The following YEATS2 variants were observed in gnomAD, a reference collection of about 807,000 sequenced individuals.
YEATS2 encodes YEATS domain-containing protein 2.
Under a neutral mutation model 163.2 loss-of-function variants are expected in YEATS2, and 77 were observed. The ratio of observed to expected loss-of-function variants is 0.47; its 90% confidence interval spans 0.39 to 0.57. The LOEUF is 0.57. Ranked by LOEUF, YEATS2 falls within the 20% of genes least tolerant of loss-of-function variation. The pLI, the probability that YEATS2 is intolerant of heterozygous loss-of-function variation, is 0.00. For synonymous variants in YEATS2, 631 were observed against 645.1 expected (o/e 0.98, Z 0.33); for missense variants, 1,549 against 1,729.8 (o/e 0.90, Z 1.85).
intron 9 of YEATS2, among the ~76,000 whole-genome samples, chr3:183,749,590 T>A (rs1719943155): frequency 6.6e-6 from 1 of 152,206 alleles, no homozygotes; most frequent in African/African-American, 2.4e-5. Context: ...TCAGATTTCA[T>A]CCATGTTGTA....
chr3:183,806,773 A>C, intron 27 of YEATS2, 93 bp from the exon 28 acceptor site: 1 of 1,312,576 alleles, frequency 7.6e-7, no homozygotes, highest in Admixed American at 2.1e-5. Flanking sequence ...CCTGATGCTT[A>C]TCCCCCTTCC....
At chr3:183,719,893 C>T (rs897103390) in intron 4 of YEATS2, among the ~76,000 whole-genome samples, 9 of 152,084 alleles carry the variant, frequency 5.9e-5, no homozygotes, top group Admixed American at 5.9e-4. Flanking sequence ...AAATGGTCCT[C>T]CTACCTTTTT....
At chr3:183,805,055 G>A (rs531098771) in intron 27 of YEATS2, among the ~76,000 whole-genome samples, 1 of 151,214 alleles carries the variant, frequency 6.6e-6, no homozygotes, top group African/African-American at 2.4e-5. Flanking sequence ...TAGGAGCAAG[G>A]GATTAAAGGT....
At chr3:183,725,946 C>G (rs957841191) in intron 6 of YEATS2, among the ~76,000 whole-genome samples, 2 of 152,120 alleles carry the variant, frequency 1.3e-5, no homozygotes, top group Non-Finnish European at 2.9e-5. Flanking sequence ...CTAAGGCAAA[C>G]CAGAGAGGTT....
intron 11 of YEATS2, among the ~76,000 whole-genome samples, chr3:183,756,208 T>C (rs900114653): frequency 1.3e-5 from 2 of 152,222 alleles, no homozygotes; most frequent in African/African-American, 4.8e-5. Context: ...AACTATAAGG[T>C]GCATACCAGG....
At position 183,773,706 on chromosome 3, in the gene YEATS2, C is replaced by T. The variant is rs757674212; in HGVS notation, c.2280C>T (p.Tyr760=). The T allele has an allele frequency of 6.8e-6, 11 of 1,613,714 alleles. No individual in the cohort carries two copies. The Admixed American group carries it at 1.5e-4, about 22-fold the overall frequency. ...LANLPPGTKL[Y]LTTNSKNPSG... is the part of the protein sequence containing the mutation. ...ATTTGCCTCCTGGCACTAAACTCTA[C>T]CTAACTACAAACAGCAAGAACCCTT... The change falls in exon 17 of 31, where the codon TAC becomes TAT. Residue 760 remains tyrosine (Y), a synonymous_variant. Coordinates refer to ENST00000305135, the MANE Select transcript of YEATS2 (RefSeq NM_018023.5).
intron 1 of YEATS2, among the ~76,000 whole-genome samples, chr3:183,712,229 G>GTTATGTTATGTTATGTTATGTTATGTT (rs1715347256): frequency 3.1e-5 from 2 of 63,846 alleles, no homozygotes; most frequent in African/African-American, 1.4e-4. Flanking sequence ...TTTATTTTTT[G>GTTATGTTATGTTATGTTATGTTATGTT]AGACAGAGTC....
intron 17 of YEATS2, 69 bp from the exon 18 acceptor site, chr3:183,775,846 A>G: frequency 6.2e-7 from 1 of 1,604,362 alleles, no homozygotes; most frequent in Middle Eastern, 2.3e-4. Context: ...CTCTGGGCTC[A>G]TTTGTTTTTT....
At chr3:183,758,810 A>G in intron 12 of YEATS2, 52 bp from the exon 13 acceptor site, 5 of 1,233,884 alleles carry the variant, frequency 4.1e-6, no homozygotes, top group Non-Finnish European at 5.8e-6. Flanking sequence ...CTTTAAAATT[A>G]CCTTTTGTAA....
At chr3:183,709,839 G>A (rs556980114) in intron 1 of YEATS2, among the ~76,000 whole-genome samples, 3 of 151,838 alleles carry the variant, frequency 2.0e-5, no homozygotes, top group South Asian at 2.1e-4. Context: ...CACCACGCCC[G>A]GCTAATTTTT....
At chr3:183,774,391 C>T (rs1014047682) in intron 17 of YEATS2, among the ~76,000 whole-genome samples, 1 of 152,104 alleles carries the variant, frequency 6.6e-6, no homozygotes, top group African/African-American at 2.4e-5. Flanking sequence ...GCCTGATGAT[C>T]TGAGGTGGAA....
At chr3:183,706,834 G>A (rs1303103610) in intron 1 of YEATS2, among the ~76,000 whole-genome samples, 1 of 152,092 alleles carries the variant, frequency 6.6e-6, no homozygotes, top group African/African-American at 2.4e-5. Context: ...AAAAAGTTAG[G>A]TGGAGCATTG....
At chr3:183,771,237 A>G (rs1240748022) in intron 15 of YEATS2, among the ~76,000 whole-genome samples, 2 of 151,902 alleles carry the variant, frequency 1.3e-5, no homozygotes, top group African/African-American at 2.4e-5. Context: ...AGCACTTCCT[A>G]TTTTGTCTTT....
At chr3:183,728,311 T>C (rs567925393) in intron 6 of YEATS2, among the ~76,000 whole-genome samples, 1 of 152,172 alleles carries the variant, frequency 6.6e-6, no homozygotes, top group Non-Finnish European at 1.5e-5. Flanking sequence ...AGGCATTGTC[T>C]TCTTCTATCC....
At chr3:183,722,199 T>C in intron 5 of YEATS2, 63 bp downstream of exon 5, 3 of 1,543,402 alleles carry the variant, frequency 1.9e-6, no homozygotes, top group South Asian at 2.5e-5. Flanking sequence ...TACTAAAGTA[T>C]GCGCTTGTTA....
At chr3:183,710,094 C>A (rs762615089) in intron 1 of YEATS2, among the ~76,000 whole-genome samples, 4 of 152,202 alleles carry the variant, frequency 2.6e-5, no homozygotes, top group Non-Finnish European at 5.9e-5. Flanking sequence ...AATTCTTTCT[C>A]ACAGTCAAAT....
chr3:183,772,050 A>C (rs1256331881), intron 15 of YEATS2, among the ~76,000 whole-genome samples: 1 of 152,052 alleles, frequency 6.6e-6, no homozygotes, highest in Non-Finnish European at 1.5e-5. Context: ...TATACTTCTG[A>C]ATTTCCCAAA....
In YEATS2 at chr3:183,810,590, T is replaced by G. The variant is rs1201760091; in HGVS notation, c.*7T>G. On this transcript the variant is annotated 3_prime_UTR_variant, in exon 31 of 31. Coordinates refer to ENST00000305135, the MANE Select transcript of YEATS2 (RefSeq NM_018023.5). ...ATTGAATGAGGACCAGTGAGCGGAG[T>G]GAGGTGCCCTGGAGAAGCAGGCTTT... 3 of 1,611,986 alleles carry G rather than the reference T, an allele frequency of 1.9e-6. No homozygotes were observed. The highest frequency in any genetic ancestry group is 4.5e-5 in the East Asian group (2 of 44,852).
intron 8 of YEATS2, among the ~76,000 whole-genome samples, chr3:183,746,120 T>C (rs1458484796): frequency 6.6e-6 from 1 of 152,130 alleles, no homozygotes; most frequent in Non-Finnish European, 1.5e-5. Flanking sequence ...TGGTGTGCAG[T>C]GGGGCGATCA....
Sources: gnomAD v4.1 joint callset for allele counts (sites outside exome capture counted in the v4.1 genomes callset) on GRCh38, gnomAD v4.1.1 for gene constraint, MANE v1.5 for transcripts, NCBI Gene and HGNC (gene_info 2026-07-23, HGNC 2026-07-21) for gene names.